DNAH8: variants seen among roughly 807,000 people sequenced by gnomAD.
The protein encoded by DNAH8 is dynein axonemal heavy chain 8.
Under a neutral mutation model 562.1 loss-of-function variants are expected in DNAH8, and 382 were observed. The ratio of observed to expected loss-of-function variants is 0.68; its 90% CI spans 0.63 to 0.74. The LOEUF is 0.74. Among genes scored for constraint, DNAH8 ranks in the 30% least tolerant of loss-of-function variants. DNAH8 has a pLI of 0.00. For missense variants in DNAH8, 5,203 were observed against 5,620.4 expected (o/e 0.93, Z 2.37); for synonymous variants, 1,881 against 1,919.4 (o/e 0.98, Z 0.52).
chr6:39,009,620 A>C (rs10947774), intron 89 of DNAH8, among the ~76,000 whole-genome samples: 16,587 of 152,208 alleles, frequency 0.11, 1,092 homozygotes, highest in Admixed American at 0.2. Flanking sequence ...TGCTTCATAC[A>C]CATTATGACA....
chr6:38,925,070 A>G (rs1434531716), intron 73 of DNAH8: 2 of 152,206 alleles, frequency 1.3e-5, no homozygotes, highest in Non-Finnish European at 2.9e-5. Flanking sequence ...ATGCCAAGCT[A>G]TTAATTTCAT....
intron 88 of DNAH8, among the ~76,000 whole-genome samples, chr6:38,995,979 T>A (rs1765107974): frequency 6.6e-6 from 1 of 152,212 alleles, no homozygotes; most frequent in Non-Finnish European, 1.5e-5. Flanking sequence ...ACTTACTTAA[T>A]ACTAAGAAGG....
chr6:38,923,216 CT>C, intron 72 of DNAH8, 31 bp downstream of exon 72: 1 of 1,610,174 alleles, frequency 6.2e-7, no homozygotes, highest in African/African-American at 1.3e-5. Context: ...CATAATCACT[CT>C]TTCTTTGTGA....
In DNAH8 at chr6:38,791,632, A is replaced by G. The variant is rs758848211; in HGVS notation, c.2859A>G (p.Glu953=). Residue 953 remains glutamate (E), a synonymous_variant, in exon 21 of 93, where the codon GAA becomes GAG. Transcript: ENST00000327475. The part of the protein sequence containing the change: ...IAKTVLISLP[E]SGATKVEDML... Reference sequence around the variant, plus strand: ...AAACTGTGTTGATTTCTCTGCCTGAAAGTGGTGCTACCAAAGTAGAAGATA... The same window carrying G: ...AAACTGTGTTGATTTCTCTGCCTGAGAGTGGTGCTACCAAAGTAGAAGATA... The G allele has an allele frequency of 1.2e-6, 2 of 1,613,902 alleles. No individual in the cohort carries two copies. The highest frequency in any genetic ancestry group is 1.7e-6 in the Non-Finnish European group (2 of 1,179,956).
In DNAH8 at chr6:38,938,144, A is replaced by G. The variant is rs1250747954; in HGVS notation, c.11734A>G (p.Ile3912Val). 1 of 1,614,024 alleles carries G rather than the reference A, an allele frequency of 6.2e-7. No individual in the cohort carries two copies. Among genetic ancestry groups the G allele is most frequent in the East Asian group, 2.2e-5 (1 of 44,880 alleles). The change falls in exon 78 of 93, where the codon ATC (isoleucine) becomes GTC (valine). Residue 3912 changes from isoleucine to valine, a missense_variant. Physicochemically the swap from Ile to Val is conservative, Grantham distance 29. Coordinates refer to ENST00000327475, the MANE Select transcript of DNAH8 (RefSeq NM_001206927.2). Reference protein sequence around the residue: ...ATRGSILYFLITEMSMVNIMY... With the variant: ...ATRGSILYFLVTEMSMVNIMY... ...CCGCGGAAGCATCCTCTACTTCCTC[A>G]TCACAGAGATGAGCATGGTCAACAT...
chr6:38,763,482 A>T (rs896332117), intron 11 of DNAH8: 7 of 279,812 alleles, frequency 2.5e-5, no homozygotes, highest in African/African-American at 1.6e-4. Context: ...AGTTGATAAT[A>T]CACATAGCTG....
chr6:38,850,352 C>G lies in DNAH8; in HGVS notation c.5301C>G (p.Thr1767=). ...NVINCCVGDE[T]MGQLLPHLHE... ...TTAATTGCTGTGTTGGAGATGAAAC[C>G]ATGGGACAACTTTTACCTCATTTAC... Residue 1767 remains threonine (T), a synonymous_variant, in exon 38 of 93, where the codon ACC becomes ACG. Coordinates refer to ENST00000327475, the MANE Select transcript of DNAH8 (RefSeq NM_001206927.2). 1 of 1,613,666 alleles carries G rather than the reference C, an allele frequency of 6.2e-7. No individual in the cohort carries two copies. Among genetic ancestry groups the G allele is most frequent in the African/African-American group, 1.3e-5 (1 of 75,020 alleles).
chr6:38,964,969 C>T (rs921472542), intron 82 of DNAH8, among the ~76,000 whole-genome samples: 3 of 152,044 alleles, frequency 2.0e-5, no homozygotes, highest in Non-Finnish European at 4.4e-5. Context: ...GAAGCTGAGG[C>T]ATGAGAATCT....
At chr6:38,793,315 G>A (rs1324792835) in intron 21 of DNAH8, among the ~76,000 whole-genome samples, 2 of 152,134 alleles carry the variant, frequency 1.3e-5, no homozygotes, top group East Asian at 3.8e-4. Context: ...CACCTTGCCT[G>A]TGAGATGACC....
intron 26 of DNAH8, among the ~76,000 whole-genome samples, chr6:38,820,760 C>G (rs555851437): frequency 6.6e-6 from 1 of 152,252 alleles, no homozygotes; most frequent in African/African-American, 2.4e-5. Context: ...AGGGAAAAAA[C>G]TCATGATTAT....
rs557187169 is a variant in DNAH8, at chr6:38,740,674, G to A, written c.1117-1037G>A. On this transcript the variant is annotated intron_variant, in intron 7 of 92. Coordinates refer to ENST00000327475, the MANE Select transcript of DNAH8 (RefSeq NM_001206927.2). ...CTGTCACCCAAGCTGGAGTGCAGTGGCATGATCATAGCTCACTGCAGCCTC... is the reference window on the plus strand; with the variant it reads ...CTGTCACCCAAGCTGGAGTGCAGTGACATGATCATAGCTCACTGCAGCCTC... Among the ~76,000 whole-genome samples the A allele has an allele frequency of 3.9e-5, 6 of 152,096 alleles. No homozygotes were observed. The South Asian group carries it at 1.2e-3, about 32-fold the overall frequency.
intron 6 of DNAH8, among the ~76,000 whole-genome samples, chr6:38,737,529 G>A (rs1461137679): frequency 6.6e-6 from 1 of 151,058 alleles, no homozygotes; most frequent in Non-Finnish European, 1.5e-5. Context: ...ACTTTATTAT[G>A]AACTCTTAAA....
At chr6:38,877,487 C>G (rs1042914311) in intron 53 of DNAH8, among the ~76,000 whole-genome samples, 4 of 152,116 alleles carry the variant, frequency 2.6e-5, no homozygotes, top group African/African-American at 9.7e-5. Flanking sequence ...CTGAAGTGGT[C>G]TGTTGACTAA....
intron 24 of DNAH8, among the ~76,000 whole-genome samples, chr6:38,808,645 G>A (rs1211207551): frequency 6.6e-6 from 1 of 152,166 alleles, no homozygotes; most frequent in African/African-American, 2.4e-5. Context: ...GCACACGTAT[G>A]TTTACTGTGG....
chr6:38,729,445 G>A (rs1354761308), intron 3 of DNAH8, among the ~76,000 whole-genome samples: 2 of 152,188 alleles, frequency 1.3e-5, no homozygotes, highest in Admixed American at 6.5e-5. Context: ...ATCTCAGTAT[G>A]ATAATGTGTT....
chr6:38,949,533 G>C lies in DNAH8; in HGVS notation c.12211G>C (p.Asp4071His). The change falls in exon 81 of 93, where the codon GAT (aspartate) becomes CAT (histidine). Residue 4071 changes from aspartate (D) to histidine (H), a missense_variant. Coordinates refer to ENST00000327475, the MANE Select transcript of DNAH8 (RefSeq NM_001206927.2). ...GGAAATTATCCCTGATGGATATAATGATTCACTAGATACCTGCCATAAACT... is the reference window on the plus strand; with the variant it reads ...GGAAATTATCCCTGATGGATATAATCATTCACTAGATACCTGCCATAAACT... ...EEEIIPDGYN[D>H]SLDTCHKLLL... is the part of the protein sequence containing the mutation. 6.2e-7 allele frequency: 1 copy of C among 1,611,468 alleles called. No homozygotes were observed. The highest frequency in any genetic ancestry group is 8.5e-7 in the Non-Finnish European group (1 of 1,177,724).
chr6:38,723,051 T>C lies in DNAH8; in HGVS notation c.242T>C (p.Leu81Pro), dbSNP rs1227862263. 1 of 1,612,914 alleles carries C rather than the reference T, an allele frequency of 6.2e-7. No individual in the cohort carries two copies. The change falls in exon 2 of 93, where the codon CTG becomes CCG. Residue 81 changes from leucine to proline, a missense_variant. By Grantham distance (98) the Leu-to-Pro change is moderately conservative (BLOSUM62 -3). Coordinates refer to ENST00000327475, the MANE Select transcript of DNAH8 (RefSeq NM_001206927.2). ...IVLPDDHEAD[L>P]NRVRQRLAPR... ...CTTCCAGATGATCATGAAGCGGATC[T>C]GAATAGAGTTCGACAGAGGCTTGCA...
chr6:38,867,539 T>G (rs1777133468), intron 47 of DNAH8, among the ~76,000 whole-genome samples: 1 of 150,020 alleles, frequency 6.7e-6, no homozygotes, highest in Non-Finnish European at 1.5e-5. Flanking sequence ...GGTCGGGAGA[T>G]CGAGACCATC....
intron 53 of DNAH8, 67 bp downstream of exon 53, chr6:38,875,895 A>G (rs1777958318): frequency 1.0e-6 from 1 of 991,722 alleles, no homozygotes; most frequent in South Asian, 1.4e-5. Context: ...AAGCTTTCAT[A>G]AACTCTTCTA....
Sources: allele counts gnomAD v4.1 joint callset (sites outside exome capture counted in the v4.1 genomes callset), GRCh38; gene constraint gnomAD v4.1.1; transcripts MANE v1.5; gene names NCBI Gene and HGNC (gene_info 2026-07-23, HGNC 2026-07-21).